The following ELK3 variants were observed in gnomAD, a reference collection of about 807,000 sequenced individuals.
ELK3 encodes ETS transcription factor ELK3, also known as ETS domain-containing protein Elk-3.
Under a neutral mutation model 28.9 loss-of-function variants are expected in ELK3, and 10 were observed. The ratio of observed to expected loss-of-function variants is 0.35; its 90% CI spans 0.21 to 0.59. The LOEUF is 0.59. Ranked by LOEUF, ELK3 falls within the 20% of genes least tolerant of loss-of-function variation. The pLI is 0.82. For missense variants in ELK3, 463 were observed against 517.3 expected, an observed-to-expected ratio of 0.90 and a Z score of 1.02; for synonymous variants, 272 against 243.5, an observed-to-expected ratio of 1.12 and a Z score of -1.09.
intron 1 of ELK3, among the ~76,000 whole-genome samples, chr12:96,210,599 C>CT (rs1951571976): frequency 1.2e-5 from 1 of 82,020 alleles, no homozygotes; most frequent in Non-Finnish European, 2.7e-5. Flanking sequence ...ACACACACAC[C>CT]CCGAGTGGGA....
At chr12:96,253,654 A>G (rs759556651) in intron 3 of ELK3, among the ~76,000 whole-genome samples, 8 of 152,196 alleles carry the variant, frequency 5.3e-5, no homozygotes, top group Non-Finnish European at 1.0e-4. Context: ...AGGATTACAG[A>G]TATTTGTGGG....
chr12:96,225,186 TC>T (rs756945919), intron 2 of ELK3, among the ~76,000 whole-genome samples: 13 of 152,230 alleles, frequency 8.5e-5, no homozygotes, highest in Non-Finnish European at 1.9e-4. Flanking sequence ...AGGAAAACAC[TC>T]CCGTTGCCTG....
At chr12:96,251,794 A>C (rs370791737) in intron 3 of ELK3, among the ~76,000 whole-genome samples, 82 of 152,336 alleles carry the variant, frequency 5.4e-4, no homozygotes, top group African/African-American at 1.9e-3. Flanking sequence ...AAAAGTGTGA[A>C]GCTAGCAGAG....
chr12:96,196,086 C>A (rs1337625961), intron 1 of ELK3, among the ~76,000 whole-genome samples: 1 of 152,108 alleles, frequency 6.6e-6, no homozygotes, highest in African/African-American at 2.4e-5. Context: ...GAAGAGAGAG[C>A]CCCCTTAGTC....
intron 2 of ELK3, among the ~76,000 whole-genome samples, chr12:96,242,548 A>G (rs1307398050): frequency 6.6e-6 from 1 of 152,222 alleles, no homozygotes; most frequent in African/African-American, 2.4e-5. Flanking sequence ...GAGATCTTCA[A>G]ACATACATGG....
At position 96,247,239 on chromosome 12, in the gene ELK3, G is replaced by C; in HGVS notation, c.507G>C (p.Pro169=). Reference sequence around the variant, plus strand: ...TCAAGACGGAGAAGCTGGAGGAGCCGCCCGAAGACAGCCCCCCCGTGGAAG... The same window carrying C: ...TCAAGACGGAGAAGCTGGAGGAGCCCCCCGAAGACAGCCCCCCCGTGGAAG... The part of the protein sequence containing the change: ...KAIKTEKLEE[P]PEDSPPVEEV... Residue 169 remains proline, a synonymous_variant, in exon 3 of 5, where the codon CCG becomes CCC. Transcript: ENST00000228741. This position sits in a 1 kb window ranked among gnomAD's most constrained non-coding sequence, Gnocchi z 5.5. 1 of 1,614,144 alleles carries C rather than the reference G, an allele frequency of 6.2e-7. No homozygotes were observed. Among genetic ancestry groups the C allele is most frequent in the South Asian group, 1.1e-5 (1 of 91,080 alleles).
In ELK3 at chr12:96,227,483, T is replaced by C. The variant is rs186966864; in HGVS notation, c.207+3710T>C. Among the ~76,000 whole-genome samples, 19 of 152,056 alleles carry C rather than the reference T, an allele frequency of 1.2e-4. No homozygotes were observed. The East Asian group carries it at 3.5e-3, about 28-fold the overall frequency. On this transcript the variant is annotated intron_variant, in intron 2 of 4. Coordinates refer to ENST00000228741, the MANE Select transcript of ELK3 (RefSeq NM_005230.4). ...CATTATTTTTATATGTTATATGTTATATTTTTAGCAGAGAAAAAAGTGGAA... is the reference window on the plus strand; with the variant it reads ...CATTATTTTTATATGTTATATGTTACATTTTTAGCAGAGAAAAAAGTGGAA...
At chr12:96,262,475 T>G (rs1479105477) in intron 4 of ELK3, among the ~76,000 whole-genome samples, 2 of 152,152 alleles carry the variant, frequency 1.3e-5, no homozygotes, top group African/African-American at 4.8e-5. Context: ...TTTCACCAAG[T>G]GGACCTGTTC....
Position 96,268,802 on chromosome 12 carries a change from T to C in ELK3, c.*1622T>C, listed in dbSNP as rs987964414. The C allele has an allele frequency of 2.0e-4, 31 of 152,210 alleles. No individual in the cohort carries two copies. Among genetic ancestry groups the C allele is most frequent in the African/African-American group, 7.0e-4 (29 of 41,454 alleles). The allele number at this position is 152,210 out of a possible 1,614,324, so 9.4% of individuals were successfully genotyped here. A position where few individuals can be genotyped will look rare whatever the true frequency, so the allele number is the denominator to read the frequency against. ...AAATTCTGAGGTTTTTCAATTGGAA[T>C]TGAGCATCTCTGTATGTGGGGATGT... On this transcript the variant is annotated 3_prime_UTR_variant, in exon 5 of 5. Transcript: ENST00000228741.
chr12:96,229,855 C>T (rs776176498), intron 2 of ELK3, among the ~76,000 whole-genome samples: 1 of 151,938 alleles, frequency 6.6e-6, no homozygotes, highest in Non-Finnish European at 1.5e-5. Context: ...ATGAGGATAC[C>T]GGTCATTGGA....
intron 3 of ELK3, chr12:96,255,594 C>G (rs1226984662): frequency 6.6e-6 from 1 of 152,168 alleles, no homozygotes; most frequent in Non-Finnish European, 1.5e-5. Context: ...GAGTCAAACT[C>G]TGTAAAATAT....
At chr12:96,211,070 C>T (rs1437075435) in intron 1 of ELK3, among the ~76,000 whole-genome samples, 3 of 152,112 alleles carry the variant, frequency 2.0e-5, no homozygotes, top group South Asian at 2.1e-4. Context: ...TTTCACCTTT[C>T]GAAGTCATAG....
At chr12:96,244,528 G>T (rs892850329) in intron 2 of ELK3, among the ~76,000 whole-genome samples, 31 of 128,986 alleles carry the variant, frequency 2.4e-4, no homozygotes, top group African/African-American at 8.5e-4. Context: ...TTTTTCTTCT[G>T]TGTTTTTATT....
intron 3 of ELK3, among the ~76,000 whole-genome samples, chr12:96,251,270 C>A (rs909609779): frequency 2.6e-5 from 4 of 152,106 alleles, no homozygotes; most frequent in African/African-American, 9.7e-5. Flanking sequence ...AGACAGCAAA[C>A]TTGATCAGTG....
chr12:96,230,991 A>C lies in ELK3; in HGVS notation c.207+7218A>C, dbSNP rs141747004. Among the ~76,000 whole-genome samples, 3 of 152,334 alleles carry C rather than the reference A, an allele frequency of 2.0e-5. No individual in the cohort carries two copies. The East Asian group carries it at 5.8e-4, about 29-fold the overall frequency. On this transcript the variant is annotated intron_variant, in intron 2 of 4. Transcript: ENST00000228741. ...GTTTTGCAACCCGGGTATGGATGAA[A>C]GGCCCCTGTTGATTTGAGAAACACA... is the stretch of plus-strand genomic sequence containing the variant.
chr12:96,261,592 C>CT (rs1221517954), intron 4 of ELK3, among the ~76,000 whole-genome samples: 1 of 152,168 alleles, frequency 6.6e-6, no homozygotes, highest in Non-Finnish European at 1.5e-5. Flanking sequence ...ATCCTAGAAT[C>CT]TAACACAGAG....
chr12:96,204,407 G>A (rs1402489304), intron 1 of ELK3, among the ~76,000 whole-genome samples: 3 of 152,278 alleles, frequency 2.0e-5, no homozygotes, highest in East Asian at 1.9e-4. Context: ...TTCTGCTTAC[G>A]TGATTATGAA....
At chr12:96,215,949 T>C (rs1951613925) in intron 1 of ELK3, among the ~76,000 whole-genome samples, 1 of 152,202 alleles carries the variant, frequency 6.6e-6, no homozygotes, top group Non-Finnish European at 1.5e-5. Flanking sequence ...ACTGTTTTCA[T>C]AACTGCATTC....
intron 1 of ELK3, among the ~76,000 whole-genome samples, chr12:96,204,517 G>A (rs746049730): frequency 6.6e-6 from 1 of 152,198 alleles, no homozygotes; most frequent in South Asian, 2.1e-4. Context: ...GTCAAACCTT[G>A]ACTAAGCGGA....
Sources: allele counts gnomAD v4.1 joint callset (sites outside exome capture counted in the v4.1 genomes callset), GRCh38; gene constraint gnomAD v4.1.1; non-coding constraint Gnocchi (gnomAD v3.1); transcripts MANE v1.5; gene names NCBI Gene and HGNC (gene_info 2026-07-23, HGNC 2026-07-21).